The following KCNG2 variants were observed in gnomAD, a reference collection of about 807,000 sequenced individuals.
The protein encoded by KCNG2 is potassium voltage-gated channel modifier subfamily G member 2.
A neutral mutation model predicts 12.3 loss-of-function variants in KCNG2; 7 were observed. The ratio of observed to expected loss-of-function variants is 0.57; its 90% CI spans 0.32 to 1.07. The LOEUF (loss-of-function observed/expected upper bound fraction) is 1.07. Among genes scored for constraint, KCNG2 ranks in the 50% least tolerant of loss-of-function variants. The probability of loss-of-function intolerance (pLI) is 0.04; values close to 1 mark genes in which losing one functional copy is unlikely to be tolerated. For synonymous variants in KCNG2, 414 were observed against 351.4 expected (o/e 1.18, Z -1.99); for missense variants, 703 against 726.0 (o/e 0.97, Z 0.36).
intron 1 of KCNG2, among the ~76,000 whole-genome samples, chr18:79,828,597 G>A (rs1381285291): frequency 2.0e-5 from 3 of 151,994 alleles, no homozygotes; most frequent in Admixed American, 2.0e-4. Context: ...GCATGTGGGT[G>A]TGTGGATGTG....
intron 3 of KCNG2, among the ~76,000 whole-genome samples, chr18:79,872,194 G>A (rs72980087): frequency 0.32 from 44,668 of 138,982 alleles, 7,875 homozygotes; most frequent in South Asian, 0.54. Context: ...GGAAAACATC[G>A]AAGATTTGTG....
intron 1 of KCNG2, among the ~76,000 whole-genome samples, chr18:79,842,003 C>G (rs905184683): frequency 1.3e-5 from 2 of 152,240 alleles, no homozygotes; most frequent in Non-Finnish European, 1.5e-5. Context: ...GTCCCTCCCC[C>G]TCCCCAGAGT....
Position 79,864,156 on chromosome 18 carries a change from G to A in KCNG2, c.489G>A (p.Leu163=). Residue 163 remains leucine (L), a synonymous_variant, in exon 3 of 4, where the codon CTG becomes CTA. Transcript: ENST00000316249. ...GGCTGCAGCGCGGCCGGCGGCGCCT[G>A]CGCGACGTGGTGGACAACCCGCACT... ...RGRLQRGRRR[L]RDVVDNPHSG... 4 of 1,463,540 alleles carry A rather than the reference G, an allele frequency of 2.7e-6. No individual in the cohort carries two copies. The highest frequency in any genetic ancestry group is 3.6e-6 in the Non-Finnish European group (4 of 1,111,136). The allele number at this position is 1,463,540 out of a possible 1,614,324, so 90.7% of individuals were successfully genotyped here.
chr18:79,852,588 G>A (rs1455225338), intron 1 of KCNG2, among the ~76,000 whole-genome samples: 1 of 152,260 alleles, frequency 6.6e-6, no homozygotes, highest in Non-Finnish European at 1.5e-5. Context: ...GGGACCACTT[G>A]GGCTTCGCCC....
At chr18:79,845,027 C>T (rs534683731) in intron 1 of KCNG2, among the ~76,000 whole-genome samples, 58 of 152,292 alleles carry the variant, frequency 3.8e-4, no homozygotes, top group Admixed American at 1.8e-3. Flanking sequence ...CCAAAATGTT[C>T]TCCCACTTGT....
intron 1 of KCNG2, among the ~76,000 whole-genome samples, chr18:79,853,083 C>T (rs1978882747): frequency 6.6e-6 from 1 of 152,220 alleles, no homozygotes; most frequent in African/African-American, 2.4e-5. Flanking sequence ...TTGTCTGTCC[C>T]TGCGGCAGTG....
At chr18:79,836,653 G>A (rs1978327999) in intron 1 of KCNG2, among the ~76,000 whole-genome samples, 1 of 152,182 alleles carries the variant, frequency 6.6e-6, no homozygotes, top group African/African-American at 2.4e-5. Flanking sequence ...TACAATCATG[G>A]CGAGAGGTAA....
intron 1 of KCNG2, among the ~76,000 whole-genome samples, chr18:79,801,070 A>T (rs2122984338): frequency 6.6e-6 from 1 of 152,284 alleles, no homozygotes; most frequent in Admixed American, 6.5e-5. Flanking sequence ...CGGCCAAGAG[A>T]TGCCGGGCAG....
At chr18:79,849,064 C>A (rs1040720763) in intron 1 of KCNG2, among the ~76,000 whole-genome samples, 8 of 152,130 alleles carry the variant, frequency 5.3e-5, no homozygotes. Flanking sequence ...CCCGCGTTCT[C>A]CCTCCCACGC....
chr18:79,855,965 G>A (rs566519492), intron 1 of KCNG2, among the ~76,000 whole-genome samples: 2 of 152,302 alleles, frequency 1.3e-5, no homozygotes, highest in Non-Finnish European at 2.9e-5. Flanking sequence ...CTATTGAGCT[G>A]TGCGTTGTCT....
chr18:79,888,352 G>C (rs922800148), intron 3 of KCNG2, among the ~76,000 whole-genome samples: 3 of 151,524 alleles, frequency 2.0e-5, no homozygotes, highest in East Asian at 1.9e-4. Flanking sequence ...GAGGCTGCAG[G>C]GGGGCTGGGA....
chr18:79,798,383 G>A (rs1053380690), intron 1 of KCNG2, among the ~76,000 whole-genome samples: 2 of 152,136 alleles, frequency 1.3e-5, no homozygotes, highest in African/African-American at 4.8e-5. Flanking sequence ...TGGTCCTGCG[G>A]GAGCCCGGGT....
chr18:79,835,459 A>C (rs531823739), intron 1 of KCNG2, among the ~76,000 whole-genome samples: 1 of 152,368 alleles, frequency 6.6e-6, no homozygotes, highest in South Asian at 2.1e-4. Context: ...GATGAGAAAT[A>C]GTCTCAGCAA....
intron 1 of KCNG2, among the ~76,000 whole-genome samples, chr18:79,821,144 T>A (rs899806844): frequency 1.1e-4 from 17 of 152,186 alleles, no homozygotes; most frequent in Admixed American, 4.6e-4. Flanking sequence ...GTTGATCTAT[T>A]TTTATTTTGT....
intron 1 of KCNG2, among the ~76,000 whole-genome samples, chr18:79,819,481 A>C (rs932547356): frequency 1.3e-5 from 2 of 152,226 alleles, no homozygotes; most frequent in African/African-American, 4.8e-5. Flanking sequence ...CCCTCCTGGC[A>C]GAAGGCATGC....
rs144858459 is a variant in KCNG2 at position 79,864,211 on chromosome 18, G to A, written c.544G>A (p.Val182Met). 209 of 1,545,996 alleles carry A rather than the reference G, an allele frequency of 1.4e-4. No individual in the cohort carries two copies. The African/African-American group carries it at 2.5e-3, about 19-fold the overall frequency. Residue 182 changes from valine to methionine, a missense_variant, in exon 3 of 4, where the codon GTG (valine) becomes ATG (methionine). Transcript: ENST00000316249. ...SGLAGKLFAC[V>M]SVSFVAVTAV... ...GCTGGCGGGCAAGCTCTTCGCCTGC[G>A]TGTCCGTGTCCTTCGTGGCCGTCAC...
At chr18:79,871,803 C>T (rs1470556581) in intron 3 of KCNG2, among the ~76,000 whole-genome samples, 1 of 152,220 alleles carries the variant, frequency 6.6e-6, no homozygotes, top group Non-Finnish European at 1.5e-5. Flanking sequence ...CCAGAGGCCA[C>T]AGGCCTGAGC....
intron 3 of KCNG2, among the ~76,000 whole-genome samples, chr18:79,866,324 G>T (rs1389740431): frequency 5.4e-4 from 68 of 125,848 alleles, no homozygotes; most frequent in Non-Finnish European, 2.5e-4. Context: ...CTGAGGTCTG[G>T]GTGCTGAGGT....
At chr18:79,839,895 T>G (rs1179837807) in intron 1 of KCNG2, among the ~76,000 whole-genome samples, 1 of 152,158 alleles carries the variant, frequency 6.6e-6, no homozygotes, top group Non-Finnish European at 1.5e-5. Flanking sequence ...ATCATATAAG[T>G]TGATGCAAAA....
Sources: allele counts gnomAD v4.1 joint callset (sites outside exome capture counted in the v4.1 genomes callset), GRCh38; gene constraint gnomAD v4.1.1; transcripts MANE v1.5; gene names NCBI Gene and HGNC (gene_info 2026-07-23, HGNC 2026-07-21).